The following BBS9 variants were observed in gnomAD, a reference collection of about 807,000 sequenced individuals.
The protein encoded by BBS9 is protein PTHB1.
A neutral mutation model predicts 117.7 loss-of-function variants in BBS9; 89 were observed. The ratio of observed to expected loss-of-function variants is 0.76; its 90% confidence interval spans 0.64 to 0.90. The LOEUF is 0.90. Ranked by LOEUF, BBS9 falls within the 40% of genes least tolerant of loss-of-function variation. The pLI is 0.00. For synonymous variants in BBS9, 379 were observed against 370.9 expected (o/e 1.02, Z -0.25); for missense variants, 982 against 1,042.2 (o/e 0.94, Z 0.80).
At chr7:33,328,870 T>A (rs1813372884) in intron 9 of BBS9, among the ~76,000 whole-genome samples, 1 of 152,070 alleles carries the variant, frequency 6.6e-6, no homozygotes. Flanking sequence ...GTTGGAAAAA[T>A]AAAACTAGTT....
intron 5 of BBS9, among the ~76,000 whole-genome samples, chr7:33,237,250 G>A (rs538809213): frequency 9.6e-4 from 146 of 152,218 alleles, no homozygotes; most frequent in African/African-American, 3.3e-3. Context: ...CATAAATGAG[G>A]TCACTCTGTA....
chr7:33,388,239 A>G, intron 19 of BBS9, 95 bp downstream of exon 19: 1 of 1,450,338 alleles, frequency 6.9e-7, no homozygotes, highest in Non-Finnish European at 9.7e-7. Flanking sequence ...TAAGGTACTC[A>G]TTTCCAGTGC....
intron 5 of BBS9, among the ~76,000 whole-genome samples, chr7:33,194,302 C>T (rs1169763198): frequency 1.3e-5 from 2 of 152,124 alleles, no homozygotes; most frequent in Non-Finnish European, 2.9e-5. Context: ...CCTCACCCCT[C>T]CTTCTCCTTA....
intron 16 of BBS9, 112 bp from the exon 17 acceptor site, chr7:33,367,655 T>TA (rs1822035775): frequency 1.2e-6 from 1 of 822,160 alleles, no homozygotes; most frequent in Non-Finnish European, 2.1e-6. Flanking sequence ...ACATGGAGTT[T>TA]ATACATGACT....
At chr7:33,269,265 TG>T (rs1465196739) in intron 7 of BBS9, among the ~76,000 whole-genome samples, 2 of 152,370 alleles carry the variant, frequency 1.3e-5, no homozygotes, top group East Asian at 3.9e-4. Context: ...TTGGATCCAT[TG>T]TTTGTTGATC....
chr7:33,459,806 G>C (rs951262724), intron 19 of BBS9, among the ~76,000 whole-genome samples: 12 of 152,060 alleles, frequency 7.9e-5, no homozygotes, highest in African/African-American at 2.9e-4. Flanking sequence ...CAAAATCTAA[G>C]CTTAATTTGT....
At position 33,416,070 on chromosome 7, in the gene BBS9, G is replaced by A. The variant is rs987386312; in HGVS notation, c.2115+27926G>A. 9.2e-5 allele frequency among the ~76,000 whole-genome samples: 14 copies of A among 152,206 alleles called. No individual in the cohort carries two copies. The South Asian group carries it at 2.9e-3, about 32-fold the overall frequency. On this transcript the variant is annotated intron_variant, in intron 19 of 22. Coordinates refer to ENST00000242067, the MANE Select transcript of BBS9 (RefSeq NM_198428.3). ...GCTGGTCTCAAATTCCTGGGCTCAAGCAATCTGCCTACCTCAGCCTATCAA... is the reference window on the plus strand; with the variant it reads ...GCTGGTCTCAAATTCCTGGGCTCAAACAATCTGCCTACCTCAGCCTATCAA...
chr7:33,397,012 C>T (rs909023672), intron 19 of BBS9, among the ~76,000 whole-genome samples: 1 of 151,786 alleles, frequency 6.6e-6, no homozygotes, highest in Non-Finnish European at 1.5e-5. Flanking sequence ...CAAGATAGAT[C>T]AAGACTATCA....
chr7:33,287,122 A>G (rs1803054503), intron 9 of BBS9, among the ~76,000 whole-genome samples: 1 of 152,202 alleles, frequency 6.6e-6, no homozygotes, highest in Non-Finnish European at 1.5e-5. Context: ...GAATAAAAAA[A>G]GAGTGTAAAT....
chr7:33,487,392 A>T (rs1843263330), intron 19 of BBS9, among the ~76,000 whole-genome samples: 1 of 152,214 alleles, frequency 6.6e-6, no homozygotes, highest in Admixed American at 6.5e-5. Flanking sequence ...GTGTAATGAT[A>T]GCTAACTTTA....
At chr7:33,587,032 C>G (rs1861017935) in intron 21 of BBS9, among the ~76,000 whole-genome samples, 1 of 152,026 alleles carries the variant, frequency 6.6e-6, no homozygotes, top group Admixed American at 6.6e-5. Context: ...ACATGTACCC[C>G]CGATTCTAAA....
At chr7:33,604,278 A>G (rs1864252255) in intron 21 of BBS9, among the ~76,000 whole-genome samples, 2 of 152,160 alleles carry the variant, frequency 1.3e-5, no homozygotes, top group Admixed American at 6.6e-5. Context: ...GTGCCAGCTC[A>G]TCCTCAAGTC....
chr7:33,565,128 CAT>C (rs886228753), intron 21 of BBS9, among the ~76,000 whole-genome samples: 9 of 152,094 alleles, frequency 5.9e-5, no homozygotes, highest in African/African-American at 2.2e-4. Context: ...AAAAAGATAA[CAT>C]ATATGAAGTG....
At chr7:33,181,984 G>C (rs945734671) in intron 5 of BBS9, among the ~76,000 whole-genome samples, 1 of 152,194 alleles carries the variant, frequency 6.6e-6, no homozygotes, top group Non-Finnish European at 1.5e-5. Context: ...CTACCCGGGA[G>C]GCTGAGGTGG....
At chr7:33,559,976 A>T (rs1226683310) in intron 21 of BBS9, among the ~76,000 whole-genome samples, 2 of 152,028 alleles carry the variant, frequency 1.3e-5, no homozygotes, top group Non-Finnish European at 2.9e-5. Flanking sequence ...GTAGTCCTTC[A>T]TAATTCCAAT....
chr7:33,385,017 C>T (rs1825765554), intron 18 of BBS9, among the ~76,000 whole-genome samples: 1 of 152,066 alleles, frequency 6.6e-6, no homozygotes, highest in Admixed American at 6.6e-5. Context: ...AGAATCTTTG[C>T]AATTCCTTGG....
At chr7:33,218,993 AC>A (rs748600574) in intron 5 of BBS9, among the ~76,000 whole-genome samples, 3 of 152,122 alleles carry the variant, frequency 2.0e-5, no homozygotes, top group Non-Finnish European at 4.4e-5. Context: ...GCGAGCGGGA[AC>A]CCGGGCTGCG....
downstream of BBS9, among the ~76,000 whole-genome samples, chr7:33,607,403 G>T (rs1864636455): frequency 6.6e-6 from 1 of 151,704 alleles, no homozygotes; most frequent in Non-Finnish European, 1.5e-5. Flanking sequence ...TGAGTACTTG[G>T]GTAACATTGA....
intron 12 of BBS9, 53 bp from the exon 13 acceptor site, chr7:33,349,015 A>C (rs1818117161): frequency 3.2e-6 from 4 of 1,236,092 alleles, no homozygotes; most frequent in Non-Finnish European, 4.8e-6. Context: ...ACGATAGTCT[A>C]TCAGTTTGAA....
Sources: allele counts gnomAD v4.1 joint callset (sites outside exome capture counted in the v4.1 genomes callset), GRCh38; gene constraint gnomAD v4.1.1; transcripts MANE v1.5; gene names NCBI Gene and HGNC (gene_info 2026-07-23, HGNC 2026-07-21).